The following ZNF804A variants were observed in gnomAD, a reference collection of about 807,000 sequenced individuals.
ZNF804A encodes the protein zinc finger protein 804A.
ZNF804A carries 2 observed loss-of-function variants against 16.5 expected under a neutral mutation model. The observed-to-expected ratio is 0.12, with a 90% confidence interval of 0.05 to 0.38. ZNF804A has a LOEUF of 0.38. ZNF804A is among the 10% of genes least tolerant of loss of function. ZNF804A has a pLI of 0.99. For missense variants in ZNF804A, 1,473 were observed against 1,390.7 expected (o/e 1.06, Z -0.94); for synonymous variants, 534 against 489.6 (o/e 1.09, Z -1.20).
intron 1 of ZNF804A, among the ~76,000 whole-genome samples, chr2:184,800,910 A>T (rs1410950691): frequency 6.6e-6 from 1 of 152,100 alleles, no homozygotes. Flanking sequence ...ATTCTTTATT[A>T]GATGCATTTT....
chr2:184,738,309 T>G (rs74713656), intron 1 of ZNF804A, among the ~76,000 whole-genome samples: 6,287 of 152,136 alleles, frequency 0.041, 425 homozygotes, highest in African/African-American at 0.14. Flanking sequence ...TGTGTAAGCA[T>G]TTAACTTCCT....
At chr2:184,875,970 A>G (rs1407403915) in intron 2 of ZNF804A, among the ~76,000 whole-genome samples, 2 of 152,098 alleles carry the variant, frequency 1.3e-5, no homozygotes. Context: ...TGATTGTCTT[A>G]TTGCTGCTGC....
At chr2:184,723,753 T>C (rs1179764464) in intron 1 of ZNF804A, among the ~76,000 whole-genome samples, 4 of 151,712 alleles carry the variant, frequency 2.6e-5, no homozygotes, top group African/African-American at 7.2e-5. Context: ...CCATACAAGA[T>C]TGTGTAATCC....
intron 1 of ZNF804A, among the ~76,000 whole-genome samples, chr2:184,708,161 T>A (rs1337718623): frequency 6.6e-6 from 1 of 152,094 alleles, no homozygotes; most frequent in African/African-American, 2.4e-5. Context: ...TGTTTAAGTT[T>A]CTTATAGGTC....
intron 1 of ZNF804A, among the ~76,000 whole-genome samples, chr2:184,776,181 A>G (rs1694282675): frequency 6.6e-6 from 1 of 151,668 alleles, no homozygotes; most frequent in Non-Finnish European, 1.5e-5. Flanking sequence ...ATATGCAATA[A>G]CATATGCAAC....
intron 1 of ZNF804A, among the ~76,000 whole-genome samples, chr2:184,860,010 C>T (rs1695771473): frequency 6.6e-6 from 1 of 152,174 alleles, no homozygotes; most frequent in Non-Finnish European, 1.5e-5. Flanking sequence ...AGCCTTAACT[C>T]CACAGGAATA....
At chr2:184,884,544 T>C (rs555368360) in intron 2 of ZNF804A, among the ~76,000 whole-genome samples, 1 of 151,944 alleles carries the variant, frequency 6.6e-6, no homozygotes, top group Non-Finnish European at 1.5e-5. Flanking sequence ...CATTACCCCT[T>C]TTTAAACTAC....
intron 1 of ZNF804A, among the ~76,000 whole-genome samples, chr2:184,860,541 G>GT (rs1398270116): frequency 1.3e-5 from 2 of 152,194 alleles, no homozygotes; most frequent in African/African-American, 4.8e-5. Context: ...CAGCACATGG[G>GT]TCCACTAGGG....
At chr2:184,868,707 C>T (rs1695923413) in intron 2 of ZNF804A, among the ~76,000 whole-genome samples, 2 of 152,002 alleles carry the variant, frequency 1.3e-5, no homozygotes, top group African/African-American at 2.4e-5. Flanking sequence ...TCCTAATGAC[C>T]TTCAGATTCC....
At chr2:184,810,443 T>G (rs1195849121) in intron 1 of ZNF804A, among the ~76,000 whole-genome samples, 1 of 151,904 alleles carries the variant, frequency 6.6e-6, no homozygotes, top group Non-Finnish European at 1.5e-5. Context: ...TGATTTTTTC[T>G]TATTATAATT....
At chr2:184,788,782 G>T (rs1694488232) in intron 1 of ZNF804A, among the ~76,000 whole-genome samples, 1 of 151,962 alleles carries the variant, frequency 6.6e-6, no homozygotes, top group African/African-American at 2.4e-5. Context: ...AGTGAACAGA[G>T]ATAATTTCAC....
chr2:184,834,278 T>C (rs1695308580), intron 1 of ZNF804A, among the ~76,000 whole-genome samples: 1 of 152,118 alleles, frequency 6.6e-6, no homozygotes, highest in Non-Finnish European at 1.5e-5. Context: ...TTCTTCAAGC[T>C]GGCTTCTATG....
chr2:184,879,314 A>G (rs999954519), intron 2 of ZNF804A, among the ~76,000 whole-genome samples: 12 of 152,226 alleles, frequency 7.9e-5, no homozygotes, highest in African/African-American at 2.9e-4. Context: ...TAAATTATGT[A>G]AAATAGACTT....
intron 1 of ZNF804A, among the ~76,000 whole-genome samples, chr2:184,608,670 C>G (rs1377145230): frequency 6.6e-6 from 1 of 152,138 alleles, no homozygotes; most frequent in Non-Finnish European, 1.5e-5. Flanking sequence ...CAAGCTCCTA[C>G]CCATCAGTTA....
chr2:184,694,568 A>C (rs1444242367), intron 1 of ZNF804A, among the ~76,000 whole-genome samples: 1 of 152,228 alleles, frequency 6.6e-6, no homozygotes, highest in East Asian at 1.9e-4. Flanking sequence ...CTAAGAGTAT[A>C]TAATTGGCAT....
intron 1 of ZNF804A, among the ~76,000 whole-genome samples, chr2:184,740,763 G>A (rs1485512803): frequency 2.6e-5 from 4 of 151,966 alleles, no homozygotes; most frequent in Non-Finnish European, 4.4e-5. Context: ...TCATGAAGTC[G>A]ATATGGGGGA....
chr2:184,875,126 T>G (rs1696033073), intron 2 of ZNF804A, among the ~76,000 whole-genome samples: 1 of 152,206 alleles, frequency 6.6e-6, no homozygotes. Flanking sequence ...TTTTGGATAC[T>G]TTTTAAAAAG....
At chr2:184,897,589 T>C (rs79554740) in intron 2 of ZNF804A, among the ~76,000 whole-genome samples, 5,989 of 152,168 alleles carry the variant, frequency 0.039, 381 homozygotes, top group African/African-American at 0.13. Flanking sequence ...AAATAAATAA[T>C]TTGGAAATTG....
chr2:184,764,304 G>A (rs1694084733), intron 1 of ZNF804A, among the ~76,000 whole-genome samples: 1 of 151,976 alleles, frequency 6.6e-6, no homozygotes, highest in Non-Finnish European at 1.5e-5. Context: ...TGATTAGGTG[G>A]TCATTAATTT....
Sources: gnomAD v4.1 joint callset for allele counts (sites outside exome capture counted in the v4.1 genomes callset) on GRCh38, gnomAD v4.1.1 for gene constraint, MANE v1.5 for transcripts, NCBI Gene and HGNC (gene_info 2026-07-23, HGNC 2026-07-21) for gene names.